FRMPD1: variants seen among roughly 807,000 people sequenced by gnomAD.
FRMPD1 encodes FERM and PDZ domain-containing protein 1.
FRMPD1 carries 76 observed loss-of-function variants against 117.8 expected under a neutral mutation model. The ratio of observed to expected loss-of-function variants is 0.65; its 90% CI spans 0.54 to 0.78. The LOEUF is 0.78. Among genes scored for constraint, FRMPD1 ranks in the 30% least tolerant of loss-of-function variants. The pLI is 0.00. For synonymous variants in FRMPD1, 783 were observed against 770.4 expected (o/e 1.02, Z -0.27); for missense variants, 1,786 against 1,964.5 (o/e 0.91, Z 1.72).
At chr9:37,675,830 G>A (rs1009332609) in intron 1 of FRMPD1, among the ~76,000 whole-genome samples, 2 of 152,194 alleles carry the variant, frequency 1.3e-5, no homozygotes, top group Admixed American at 6.5e-5. Flanking sequence ...CACACAGGGC[G>A]CAGTGCCAGG....
At chr9:37,739,073 C>A (rs565356665) in intron 14 of FRMPD1, among the ~76,000 whole-genome samples, 1 of 152,108 alleles carries the variant, frequency 6.6e-6, no homozygotes, top group Admixed American at 6.5e-5. Flanking sequence ...ACAGAGGAGA[C>A]CTCAGCGCCA....
At chr9:37,673,366 C>T (rs554725248) in intron 1 of FRMPD1, among the ~76,000 whole-genome samples, 6 of 152,338 alleles carry the variant, frequency 3.9e-5, no homozygotes, top group Admixed American at 6.5e-5. Flanking sequence ...GGTGGGTTCC[C>T]GTGGTCTTGG....
chr9:37,622,912 G>T, the FRMPD1 span, among the ~76,000 whole-genome samples: 1 of 147,538 alleles, frequency 6.8e-6, no homozygotes, highest in Non-Finnish European at 1.5e-5. Flanking sequence ...CATTTAGTTA[G>T]AAAAGAAAAA....
chr9:37,707,792 T>A (rs1822767925), intron 3 of FRMPD1, among the ~76,000 whole-genome samples: 2 of 152,238 alleles, frequency 1.3e-5, no homozygotes, highest in African/African-American at 2.4e-5. Context: ...AGGCTCCCAC[T>A]GGCCTTGGCT....
At position 37,684,551 on chromosome 9, in the gene FRMPD1, A is replaced by C. The variant is rs115067068; in HGVS notation, c.-4-8087A>C. ...CGTTTTATATCACTCTGGCAGTCAC[A>C]TGGAGGACAGATTGATGAAGAGTAA... On this transcript the variant is annotated intron_variant, in intron 1 of 15. Coordinates refer to ENST00000377765, the MANE Select transcript of FRMPD1 (RefSeq NM_014907.3). 8.3e-3 allele frequency among the ~76,000 whole-genome samples: 1,265 copies of C among 152,316 alleles called. 18 individuals are homozygous for C. The highest frequency in any genetic ancestry group is 0.029 in the African/African-American group (1,203 of 41,562).
At chr9:37,630,189 T>A in the FRMPD1 span, among the ~76,000 whole-genome samples, 1 of 152,188 alleles carries the variant, frequency 6.6e-6, no homozygotes, top group Non-Finnish European at 1.5e-5. Flanking sequence ...AATCATTCGG[T>A]CCATAGCACT....
Position 37,724,222 on chromosome 9 carries a change from C to T in FRMPD1, c.517-3C>T. 6.7e-7 allele frequency: 1 copy of T among 1,498,388 alleles called. No homozygotes were observed. The highest frequency in any genetic ancestry group is 1.1e-5 in the South Asian group (1 of 88,690). The allele number at this position is 1,498,388 out of a possible 1,614,324, so 92.8% of individuals were successfully genotyped here. ...GATACAACAATACTCTTGTGTTTTC[C>T]AGGGTAATTCTCTGCTGTGTATGCC... is the stretch of plus-strand genomic sequence containing the variant. On this transcript the variant is annotated splice_polypyrimidine_tract_variant and splice_region_variant and intron_variant, in intron 6 of 15. Transcript: ENST00000377765.
intron 1 of FRMPD1, among the ~76,000 whole-genome samples, chr9:37,675,871 G>A (rs996759650): frequency 3.3e-5 from 5 of 152,186 alleles, no homozygotes; most frequent in Admixed American, 6.5e-5. Flanking sequence ...GCTGCTGCTC[G>A]AACTGGTGTG....
intron 5 of FRMPD1, among the ~76,000 whole-genome samples, chr9:37,713,505 G>A (rs1287174444): frequency 2.0e-5 from 3 of 151,840 alleles, no homozygotes; most frequent in Non-Finnish European, 4.4e-5. Flanking sequence ...TGAGAGAATC[G>A]CTTGAGCCCA....
the FRMPD1 span, among the ~76,000 whole-genome samples, chr9:37,629,850 C>T: frequency 6.6e-6 from 1 of 152,048 alleles, no homozygotes; most frequent in African/African-American, 2.4e-5. Flanking sequence ...TTTTTTTGGG[C>T]TGCTATAACA....
At chr9:37,643,575 C>T in the FRMPD1 span, among the ~76,000 whole-genome samples, 1 of 152,138 alleles carries the variant, frequency 6.6e-6, no homozygotes, top group African/African-American at 2.4e-5. Context: ...CTGCTTGAAT[C>T]TCCTTACATT....
the FRMPD1 span, among the ~76,000 whole-genome samples, chr9:37,608,744 A>G: frequency 1.3e-5 from 2 of 152,208 alleles, no homozygotes; most frequent in African/African-American, 4.8e-5. Context: ...AATGATAAAA[A>G]TACTAAGAGT....
intron 5 of FRMPD1, among the ~76,000 whole-genome samples, chr9:37,716,801 A>G (rs1823140389): frequency 6.6e-6 from 1 of 152,026 alleles, no homozygotes; most frequent in South Asian, 2.1e-4. Context: ...TTTGACCCAT[A>G]GCTATCTCTG....
In FRMPD1 at chr9:37,745,090, C is replaced by A; in HGVS notation, c.3058C>A (p.Pro1020Thr). 6.2e-7 allele frequency: 1 copy of A among 1,614,090 alleles called. No homozygotes were observed. The highest frequency in any genetic ancestry group is 8.5e-7 in the Non-Finnish European group (1 of 1,179,996). ...DSSFSLSSGD[P>T]NPDRACLASN... ...CTCCTTCTCCCTCTCCAGTGGTGAC[C>A]CTAACCCAGACAGAGCCTGCCTGGC... The change falls in exon 16 of 16, where the codon CCT (proline) becomes ACT (threonine). Residue 1020 changes from proline to threonine, a missense_variant. By Grantham distance (38) the Pro-to-Thr change is conservative. Coordinates refer to ENST00000377765, the MANE Select transcript of FRMPD1 (RefSeq NM_014907.3).
the FRMPD1 span, among the ~76,000 whole-genome samples, chr9:37,609,871 G>A: frequency 2.6e-5 from 4 of 152,102 alleles, no homozygotes; most frequent in Non-Finnish European, 5.9e-5. Flanking sequence ...CCTACTCAGG[G>A]CCCCAGAGTC....
intron 11 of FRMPD1, 23 bp downstream of exon 11, chr9:37,733,622 C>A: frequency 6.2e-7 from 1 of 1,612,936 alleles, no homozygotes; most frequent in Non-Finnish European, 8.5e-7. Context: ...CCTCTGCCGA[C>A]CCACTCAGCT....
the FRMPD1 span, among the ~76,000 whole-genome samples, chr9:37,638,806 G>C: frequency 6.6e-6 from 1 of 152,146 alleles, no homozygotes; most frequent in Non-Finnish European, 1.5e-5. Flanking sequence ...CCCCTACTTT[G>C]GTAAAGCACC....
rs1824380122 is a variant in FRMPD1 at position 37,740,927 on chromosome 9, C to T, written c.2356+43C>T. 2.0e-6 allele frequency: 3 copies of T among 1,479,604 alleles called. No individual in the cohort carries two copies. Among genetic ancestry groups the T allele is most frequent in the Non-Finnish European group, 9.5e-7 (1 of 1,057,850 alleles). 91.7% of individuals were successfully genotyped at this position (1,479,604 alleles called of 1,614,324 possible). On this transcript the variant is annotated intron_variant, in intron 15 of 15. Transcript: ENST00000377765. This position sits in a 1 kb window ranked among gnomAD's most constrained non-coding sequence, Gnocchi z 4.2. ...GGTCTGCAGACACGGCAGGCAGCTC[C>T]TGAGTGCCTCCCGGGGATCAAGGCC...
intron 15 of FRMPD1, among the ~76,000 whole-genome samples, chr9:37,741,871 C>G (rs1315700362): frequency 6.6e-6 from 1 of 152,224 alleles, no homozygotes; most frequent in Non-Finnish European, 1.5e-5. Flanking sequence ...GCCCATCCGT[C>G]TATCAGATTC....
Sources: gnomAD v4.1 joint callset for allele counts (sites outside exome capture counted in the v4.1 genomes callset) on GRCh38, gnomAD v4.1.1 for gene constraint, Gnocchi (gnomAD v3.1) non-coding constraint, MANE v1.5 for transcripts, NCBI Gene and HGNC (gene_info 2026-07-23, HGNC 2026-07-21) for gene names.